The following ATXN7 variants were observed in gnomAD, a reference collection of about 807,000 sequenced individuals.
The protein encoded by ATXN7 is ataxin-7.
ATXN7 carries 12 observed loss-of-function variants against 70.5 expected under a neutral mutation model. The ratio of observed to expected loss-of-function variants is 0.17; its 90% CI spans 0.11 to 0.28. The LOEUF (loss-of-function observed/expected upper bound fraction) is 0.28. ATXN7 is among the 10% of genes least tolerant of loss of function. ATXN7 has a pLI of 1.00. For synonymous variants in ATXN7, 498 were observed against 448.7 expected (o/e 1.11, Z -1.39); for missense variants, 1,256 against 1,131.7 (o/e 1.11, Z -1.58).
intron 1 of ATXN7, among the ~76,000 whole-genome samples, chr3:63,872,207 C>T (rs564977939): frequency 7.6e-4 from 115 of 152,216 alleles, no homozygotes; most frequent in African/African-American, 2.4e-3. Context: ...AACTTTAGGA[C>T]GTGAATACAC....
At chr3:63,909,279 G>A (rs1022667962) in intron 2 of ATXN7, among the ~76,000 whole-genome samples, 4 of 152,164 alleles carry the variant, frequency 2.6e-5, no homozygotes, top group Non-Finnish European at 5.9e-5. Flanking sequence ...AATGTAAATT[G>A]TATTGGCCTG....
intron 3 of ATXN7, 93 bp from the exon 4 acceptor site, chr3:63,913,064 T>G: frequency 7.0e-7 from 1 of 1,427,456 alleles, no homozygotes; most frequent in Non-Finnish European, 9.7e-7. Context: ...AACGCGGAGG[T>G]GCCCACACCT....
intron 10 of ATXN7, 42 bp from the exon 11 acceptor site, chr3:63,990,696 G>A: frequency 1.2e-6 from 2 of 1,613,874 alleles, no homozygotes; most frequent in Middle Eastern, 1.7e-4. Flanking sequence ...GGGCATGCCA[G>A]TGTGGGAGTC....
intron 11 of ATXN7, among the ~76,000 whole-genome samples, chr3:63,993,412 T>A (rs963797777): frequency 1.1e-4 from 17 of 149,718 alleles, no homozygotes; most frequent in Non-Finnish European, 2.1e-4. Flanking sequence ...ATCGCGCCAC[T>A]GCACTCCAGC....
At chr3:63,997,643 G>T in intron 12 of ATXN7, 1 of 1,552,014 alleles carries the variant, frequency 6.4e-7, no homozygotes, top group Non-Finnish European at 8.7e-7. Flanking sequence ...CCTTGCTTAC[G>T]AACAGGAATT....
intron 4 of ATXN7, among the ~76,000 whole-genome samples, chr3:63,946,091 A>G (rs1422859118): frequency 6.6e-6 from 1 of 152,222 alleles, no homozygotes. Context: ...ACACACAGTG[A>G]TAGGGAACTT....
intron 12 of ATXN7, chr3:63,997,596 C>T: frequency 6.5e-7 from 1 of 1,541,680 alleles, no homozygotes; most frequent in East Asian, 2.4e-5. Flanking sequence ...CAGCTCATCT[C>T]TCATCTTGTT....
At chr3:63,876,091 C>A (rs1289879497) in intron 1 of ATXN7, among the ~76,000 whole-genome samples, 1 of 152,118 alleles carries the variant, frequency 6.6e-6, no homozygotes, top group Admixed American at 6.6e-5. Flanking sequence ...TTTCCTCTTG[C>A]ATTTTTAGTT....
chr3:63,940,310 C>G lies in ATXN7; in HGVS notation c.395-12069C>G, dbSNP rs922299227. Among the ~76,000 whole-genome samples, 30 of 151,952 alleles carry G rather than the reference C, an allele frequency of 2.0e-4. No homozygotes were observed. In the East Asian group the frequency reaches 3.9e-3, roughly 20 times the overall value. ...TCACACACACACACACACACACACACACACACACACACACACAGCCCCTCA... is the reference window on the plus strand; with the variant it reads ...TCACACACACACACACACACACACAGACACACACACACACACAGCCCCTCA... On this transcript the variant is annotated intron_variant, in intron 4 of 12. Coordinates refer to ENST00000674280, the MANE Select transcript of ATXN7 (RefSeq NM_001377405.1).
intron 5 of ATXN7, among the ~76,000 whole-genome samples, chr3:63,960,330 C>CA (rs1366566814): frequency 6.6e-6 from 1 of 152,146 alleles, no homozygotes; most frequent in Non-Finnish European, 1.5e-5. Context: ...GACCAGATGA[C>CA]ACTGGGCCCT....
rs201334618 is a variant in ATXN7 at position 63,912,871 on chromosome 3, G to C, written c.273G>C (p.Leu91=). ...CTCTGCCCAGTCCTGAAGTGATGCTGGGACAGTCGTGGAATCTGTGGGTTG... is the reference window on the plus strand; with the variant it reads ...CTCTGCCCAGTCCTGAAGTGATGCTCGGACAGTCGTGGAATCTGTGGGTTG... The part of the protein sequence containing the change: ...RRPLPSPEVM[L]GQSWNLWVEA... The change falls in exon 3 of 13, where the codon CTG becomes CTC. Residue 91 remains leucine, a synonymous_variant. Coordinates refer to ENST00000674280, the MANE Select transcript of ATXN7 (RefSeq NM_001377405.1). 3,979 of 1,613,414 alleles carry C rather than the reference G, an allele frequency of 2.5e-3. 10 individuals are homozygous for C. Among genetic ancestry groups the C allele is most frequent in the Non-Finnish European group, 3.1e-3 (3,617 of 1,179,732 alleles).
Position 63,912,658 on chromosome 3 carries a change from G to A in ATXN7, c.60G>A (p.Ala20=). Residue 20 remains alanine, a synonymous_variant, in exon 3 of 13, where the codon GCG becomes GCA. Coordinates refer to ENST00000674280, the MANE Select transcript of ATXN7 (RefSeq NM_001377405.1). Reference sequence around the variant, plus strand: ...AGCCGCGCCGCGCGGCGGCGGCGGCGGGCGGAGCAGCGGCCGCGGCCGCCC... The same window carrying A: ...AGCCGCGCCGCGCGGCGGCGGCGGCAGGCGGAGCAGCGGCCGCGGCCGCCC... ...RGEPRRAAAA[A]GGAAAAAARQ... 2 of 1,042,702 alleles carry A rather than the reference G, an allele frequency of 1.9e-6. No individual in the cohort carries two copies. The highest frequency in any genetic ancestry group is 2.3e-6 in the Non-Finnish European group (2 of 864,360). The allele number at this position is 1,042,702 out of a possible 1,614,324, so 64.6% of individuals were successfully genotyped here.
intron 2 of ATXN7, among the ~76,000 whole-genome samples, chr3:63,907,762 A>G (rs1471859833): frequency 1.3e-5 from 2 of 151,500 alleles, no homozygotes; most frequent in African/African-American, 2.4e-5. Flanking sequence ...TTCCTTTTCT[A>G]TAACTTGAAA....
chr3:64,002,625 TAA>T lies in ATXN7; in HGVS notation c.*3162_*3163del, dbSNP rs556466506. 6.6e-6 allele frequency: 1 copy of T among 152,238 alleles called. No homozygotes were observed. The highest frequency in any genetic ancestry group is 1.5e-5 in the Non-Finnish European group (1 of 68,040). The allele number at this position is 152,238 out of a possible 1,614,324, so 9.4% of individuals were successfully genotyped here. ...GTTTTAAGCTTAGACAGAATCTCTT[TAA>T]AAAGACTTGAATGTTCAGTTGAACT... On this transcript the variant is annotated 3_prime_UTR_variant, in exon 13 of 13. Transcript: ENST00000674280.
At position 63,912,911 on chromosome 3, in the gene ATXN7, C is replaced by T. The variant is rs376084779; in HGVS notation, c.313C>T (p.Pro105Ser). ...TCTGTGGGTTGAGGCTTCCAAACTT[C>T]CTGGGAAGGACGGTGAGTGTCCACG... Reference protein sequence around the residue: ...WNLWVEASKLPGKDGTELDES... With the variant: ...WNLWVEASKLSGKDGTELDES... The change falls in exon 3 of 13, where the codon CCT (proline) becomes TCT (serine). Residue 105 changes from proline to serine, a missense_variant. Pro to Ser is a moderately conservative substitution (Grantham distance 74). Transcript: ENST00000674280. 32 of 1,612,904 alleles carry T rather than the reference C, an allele frequency of 2.0e-5. No homozygotes were observed. The highest frequency in any genetic ancestry group is 2.6e-5 in the Non-Finnish European group (31 of 1,179,600).
chr3:63,981,734 G>A (rs1424911090), intron 6 of ATXN7, among the ~76,000 whole-genome samples: 1 of 152,182 alleles, frequency 6.6e-6, no homozygotes, highest in Non-Finnish European at 1.5e-5. Context: ...TAAGTCTTTA[G>A]TGACATTTAT....
chr3:63,898,173 A>G (rs1000557016), intron 1 of ATXN7, among the ~76,000 whole-genome samples: 1 of 152,090 alleles, frequency 6.6e-6, no homozygotes, highest in Non-Finnish European at 1.5e-5. Context: ...CATATTGAAT[A>G]GTCATTTGTT....
Position 63,979,964 on chromosome 3 carries a change from T to C in ATXN7, c.549T>C (p.Thr183=), listed in dbSNP as rs140957991. 1.9e-6 allele frequency: 3 copies of C among 1,614,208 alleles called. No individual in the cohort carries two copies. Among genetic ancestry groups the C allele is most frequent in the African/African-American group, 2.7e-5 (2 of 75,050 alleles). The stretch of plus-strand genomic sequence containing the variant: ...AGCCGCCTTTGGCCGTTCCTCCCAC[T>C]TCAGTATTTTCCTTCTTCCCTTCTC... The part of the protein sequence containing the change: ...SSKPPLAVPP[T]SVFSFFPSLS... Residue 183 remains threonine, a synonymous_variant, in exon 6 of 13, where the codon ACT becomes ACC. Transcript: ENST00000674280.
intron 5 of ATXN7, 51 bp downstream of exon 5, chr3:63,952,534 C>A: frequency 2.3e-6 from 3 of 1,310,866 alleles, no homozygotes; most frequent in Non-Finnish European, 2.1e-6. Context: ...AAAGGTAAAG[C>A]AAGATTAAAC....
Sources: gnomAD v4.1 joint callset for allele counts (sites outside exome capture counted in the v4.1 genomes callset) on GRCh38, gnomAD v4.1.1 for gene constraint, MANE v1.5 for transcripts, NCBI Gene and HGNC (gene_info 2026-07-23, HGNC 2026-07-21) for gene names.